Variants in ATG7 observed in about 807,000 individuals in gnomAD.
ATG7 encodes the protein ubiquitin-like modifier-activating enzyme ATG7.
ATG7 carries 70 observed loss-of-function variants against 82.4 expected under a neutral mutation model. The observed-to-expected ratio is 0.85, with a 90% CI of 0.70 to 1.04. The LOEUF (loss-of-function observed/expected upper bound fraction) is 1.04. Ranked by LOEUF, ATG7 falls within the 50% of genes least tolerant of loss-of-function variation. ATG7 has a pLI of 0.00. For synonymous variants in ATG7, 287 were observed against 313.0 expected, an observed-to-expected ratio of 0.92 and a Z score of 0.88; for missense variants, 792 against 864.3, an observed-to-expected ratio of 0.92 and a Z score of 1.05.
chr3:11,505,470 A>G (rs878968325), intron 20 of ATG7, among the ~76,000 whole-genome samples: 1 of 152,334 alleles, frequency 6.6e-6, no homozygotes, highest in African/African-American at 2.4e-5. Flanking sequence ...ATTTTTGGTT[A>G]TTGTTTTAAC....
chr3:11,534,966 G>A (rs2092762459), intron 20 of ATG7, among the ~76,000 whole-genome samples: 1 of 152,356 alleles, frequency 6.6e-6, no homozygotes, highest in Middle Eastern at 3.4e-3. Flanking sequence ...CACTCCAGCT[G>A]CAATTCAGTG....
intron 19 of ATG7, among the ~76,000 whole-genome samples, chr3:11,424,559 T>G (rs2082201426): frequency 6.6e-6 from 1 of 151,408 alleles, no homozygotes; most frequent in Non-Finnish European, 1.5e-5. Flanking sequence ...TAAATTATGG[T>G]GTATTTATTA....
At chr3:11,309,125 C>G in intron 7 of ATG7, 64 bp downstream of exon 7, 3 of 1,409,940 alleles carry the variant, frequency 2.1e-6, no homozygotes, top group Non-Finnish European at 3.0e-6. Flanking sequence ...CCCAGTGTAC[C>G]AGTAGAACAG....
intron 9 of ATG7, among the ~76,000 whole-genome samples, chr3:11,322,607 GTAT>G (rs1201141009): frequency 7.2e-5 from 11 of 152,076 alleles, no homozygotes; most frequent in African/African-American, 2.2e-4. Flanking sequence ...TAGCATAATA[GTAT>G]TATATTCTAC....
intron 19 of ATG7, among the ~76,000 whole-genome samples, chr3:11,421,038 A>G (rs1471132953): frequency 1.3e-5 from 2 of 152,160 alleles, no homozygotes; most frequent in Non-Finnish European, 2.9e-5. Context: ...TACAGGCGTG[A>G]GCCACCACGC....
intron 9 of ATG7, among the ~76,000 whole-genome samples, chr3:11,320,863 G>A (rs1474943581): frequency 2.0e-5 from 3 of 152,236 alleles, no homozygotes; most frequent in East Asian, 3.9e-4. Context: ...TTAGTTCATT[G>A]TAAGTGTTCT....
chr3:11,466,431 C>G (rs191376745), intron 20 of ATG7, among the ~76,000 whole-genome samples: 29 of 152,298 alleles, frequency 1.9e-4, no homozygotes, highest in African/African-American at 5.8e-4. Flanking sequence ...GGCAGAGACA[C>G]AAAACAGTCA....
At chr3:11,429,663 C>T (rs1384661812) in intron 20 of ATG7, among the ~76,000 whole-genome samples, 1 of 150,604 alleles carries the variant, frequency 6.6e-6, no homozygotes, top group Non-Finnish European at 1.5e-5. Context: ...ACGAAATACT[C>T]TGGGCTGGGC....
Position 11,313,392 on chromosome 3 carries a change from G to C in ATG7, c.500G>C (p.Gly167Ala), listed in dbSNP as rs1332239571. 1 of 1,611,756 alleles carries C rather than the reference G, an allele frequency of 6.2e-7. No individual in the cohort carries two copies. The highest frequency in any genetic ancestry group is 1.1e-5 in the South Asian group (1 of 90,676). ...ESLPLIQGPV[G>A]LDQRFSLKQI... ...TTACCTCTCATTCAGGGGCCAGTGG[G>C]TTTGGATCAAAGGTTTTCACTAAAA... Residue 167 changes from glycine to alanine, a missense_variant, in exon 8 of 21, where the codon GGT (glycine) becomes GCT (alanine). Transcript: ENST00000693202.
chr3:11,331,511 C>T (rs1951646121), intron 10 of ATG7, 83 bp downstream of exon 10: 1 of 1,175,596 alleles, frequency 8.5e-7, no homozygotes, highest in Admixed American at 1.9e-5. Flanking sequence ...ATTTGTATCT[C>T]TGTTTTCCTA....
chr3:11,574,678 T>C, the ATG7 span, among the ~76,000 whole-genome samples: 1 of 152,104 alleles, frequency 6.6e-6, no homozygotes, highest in Non-Finnish European at 1.5e-5. Flanking sequence ...AAACGATTAA[T>C]GTTTGATGGA....
intron 20 of ATG7, among the ~76,000 whole-genome samples, chr3:11,512,048 T>G (rs966317469): frequency 1.3e-4 from 20 of 152,166 alleles, no homozygotes; most frequent in Non-Finnish European, 1.5e-4. Context: ...GCTCCCACAG[T>G]GCAGTGGGGG....
intron 18 of ATG7, among the ~76,000 whole-genome samples, chr3:11,376,618 T>C (rs1426206529): frequency 2.0e-5 from 3 of 152,176 alleles, no homozygotes; most frequent in Admixed American, 6.5e-5. Flanking sequence ...TAGTTCAGCT[T>C]AGCAGTTGTA....
chr3:11,387,605 C>G (rs2078417898), intron 19 of ATG7, among the ~76,000 whole-genome samples: 1 of 152,124 alleles, frequency 6.6e-6, no homozygotes. Context: ...TATCCCCAAG[C>G]CTATTCTTAA....
chr3:11,357,599 T>C (rs573471676), intron 14 of ATG7, among the ~76,000 whole-genome samples: 9 of 152,322 alleles, frequency 5.9e-5, no homozygotes, highest in South Asian at 4.1e-4. Context: ...TGTAACCTTA[T>C]GTGAATGTAT....
At chr3:11,478,395 A>C (rs2088512066) in intron 20 of ATG7, among the ~76,000 whole-genome samples, 1 of 152,174 alleles carries the variant, frequency 6.6e-6, no homozygotes, top group Admixed American at 6.5e-5. Flanking sequence ...ACACCCATTA[A>C]TGGTGTGGTC....
At chr3:11,495,307 T>C (rs974626734) in intron 20 of ATG7, among the ~76,000 whole-genome samples, 17 of 152,044 alleles carry the variant, frequency 1.1e-4, no homozygotes, top group African/African-American at 1.7e-4. Flanking sequence ...GAAATGGAGA[T>C]TGGGGCTTCC....
At chr3:11,306,878 T>C in intron 5 of ATG7, 65 bp from the exon 6 acceptor site, 1 of 1,280,006 alleles carries the variant, frequency 7.8e-7, no homozygotes, top group Non-Finnish European at 1.1e-6. Flanking sequence ...ACAGTGGTGG[T>C]TGACTTGTCT....
At chr3:11,483,153 T>C (rs1193637790) in intron 20 of ATG7, among the ~76,000 whole-genome samples, 1 of 152,138 alleles carries the variant, frequency 6.6e-6, no homozygotes, top group Non-Finnish European at 1.5e-5. Context: ...CTGCTCTCCT[T>C]GCCCCTCACA....
Sources: allele counts gnomAD v4.1 joint callset (sites outside exome capture counted in the v4.1 genomes callset), GRCh38; gene constraint gnomAD v4.1.1; transcripts MANE v1.5; gene names NCBI Gene and HGNC (gene_info 2026-07-23, HGNC 2026-07-21).